SHISAL1: variants seen among roughly 807,000 people sequenced by gnomAD.
SHISAL1 encodes the protein protein shisa-like-1.
In SHISAL1, 9 loss-of-function variants were observed where a neutral mutation model predicts 22.6. The ratio of observed to expected loss-of-function variants is 0.40; its 90% CI spans 0.24 to 0.70. The LOEUF (loss-of-function observed/expected upper bound fraction) is 0.70, where lower values mean the gene tolerates loss of function less well. SHISAL1 is among the 30% of genes least tolerant of loss of function. The pLI is 0.39. For missense variants in SHISAL1, 246 were observed against 270.6 expected, an observed-to-expected ratio of 0.91 and a Z score of 0.64; for synonymous variants, 119 against 115.4, an observed-to-expected ratio of 1.03 and a Z score of -0.20.
At chr22:44,312,344 G>A (rs945335154) in intron 1 of SHISAL1, among the ~76,000 whole-genome samples, 2 of 152,100 alleles carry the variant, frequency 1.3e-5, no homozygotes, top group South Asian at 2.1e-4. Flanking sequence ...CATGACTAGG[G>A]CATCCTGAGA....
intron 3 of SHISAL1, among the ~76,000 whole-genome samples, chr22:44,290,102 C>T (rs2147294255): frequency 6.6e-6 from 1 of 152,344 alleles, no homozygotes; most frequent in Non-Finnish European, 1.5e-5. Context: ...GGATGGAAGT[C>T]CCCATCACCA....
chr22:44,266,697 G>A (rs2147277303), intron 4 of SHISAL1, among the ~76,000 whole-genome samples: 1 of 152,118 alleles, frequency 6.6e-6, no homozygotes, highest in Middle Eastern at 3.4e-3. Flanking sequence ...CTCTGAGCCT[G>A]AGTTTCTGAC....
chr22:44,282,801 C>T (rs754658279), intron 4 of SHISAL1, among the ~76,000 whole-genome samples: 3 of 152,234 alleles, frequency 2.0e-5, no homozygotes, highest in Non-Finnish European at 4.4e-5. Context: ...GGTCCACACT[C>T]CTTGCCTGGA....
chr22:44,253,424 CATGTTTTT>C (rs1291072806), intron 4 of SHISAL1, among the ~76,000 whole-genome samples: 1 of 109,300 alleles, frequency 9.1e-6, no homozygotes, highest in East Asian at 3.0e-4. Context: ...AGTATTAGTG[CATGTTTTT>C]TTTTTTTTTT....
chr22:44,285,819 T>C (rs1398689764), intron 3 of SHISAL1, 74 bp from the exon 4 acceptor site: 1 of 1,256,612 alleles, frequency 8.0e-7, no homozygotes, highest in African/African-American at 1.5e-5. Context: ...TCAGTGGGGC[T>C]GATTAGAGAA....
At chr22:44,284,897 G>GCCTGCCTGCCTGCGTTCCTTCCTT (rs570595554) in intron 4 of SHISAL1, among the ~76,000 whole-genome samples, 4 of 134,504 alleles carry the variant, frequency 3.0e-5, no homozygotes, top group Admixed American at 2.9e-4. Context: ...CTGCCTTCCT[G>GCCTGCCTGCCTGCGTTCCTTCCTT]CCTTCCTTCC....
At chr22:44,327,293 C>A in the SHISAL1 span, among the ~76,000 whole-genome samples, 1 of 151,518 alleles carries the variant, frequency 6.6e-6, no homozygotes, top group African/African-American at 2.4e-5. Flanking sequence ...TGCGCGTACA[C>A]CAGAGACCCT....
At chr22:44,285,813 T>C (rs1204176521) in intron 3 of SHISAL1, 68 bp from the exon 4 acceptor site, 1 of 1,288,832 alleles carries the variant, frequency 7.8e-7, no homozygotes, top group Non-Finnish European at 1.1e-6. Flanking sequence ...GCTTCATCAG[T>C]GGGGCTGATT....
chr22:44,315,114 A>G (rs1213127950), upstream of SHISAL1, among the ~76,000 whole-genome samples: 1 of 152,160 alleles, frequency 6.6e-6, no homozygotes, highest in Non-Finnish European at 1.5e-5. Context: ...GATGTTTCTT[A>G]TATTATTAAC....
the SHISAL1 span, among the ~76,000 whole-genome samples, chr22:44,328,231 T>G: frequency 6.6e-6 from 1 of 152,158 alleles, no homozygotes; most frequent in Admixed American, 6.5e-5. Context: ...AGGAACTCTA[T>G]ATTGCCACCC....
upstream of SHISAL1, among the ~76,000 whole-genome samples, chr22:44,315,717 G>A (rs548698812): frequency 3.9e-5 from 6 of 152,236 alleles, no homozygotes; most frequent in African/African-American, 7.2e-5. Flanking sequence ...CACCTGCCTC[G>A]AGGAGGCTTG....
At chr22:44,262,905 A>C (rs1243586895) in intron 4 of SHISAL1, among the ~76,000 whole-genome samples, 1 of 152,020 alleles carries the variant, frequency 6.6e-6, no homozygotes, top group African/African-American at 2.4e-5. Context: ...TGTGACAATA[A>C]CCCTTCCCGC....
intron 4 of SHISAL1, among the ~76,000 whole-genome samples, chr22:44,263,533 G>A (rs2055141047): frequency 6.6e-6 from 1 of 152,206 alleles, no homozygotes; most frequent in African/African-American, 2.4e-5. Flanking sequence ...CAAGGAGAAA[G>A]AGACTCTGCT....
upstream of SHISAL1, among the ~76,000 whole-genome samples, chr22:44,315,007 C>T (rs558936310): frequency 1.6e-4 from 25 of 152,296 alleles, no homozygotes; most frequent in Non-Finnish European, 3.2e-4. Context: ...GTGCATCTGG[C>T]TATAGCAAGG....
chr22:44,296,451 C>T (rs193274975), intron 3 of SHISAL1, among the ~76,000 whole-genome samples: 129 of 152,354 alleles, frequency 8.5e-4, no homozygotes, highest in Non-Finnish European at 1.5e-3. Context: ...TGAGCTACCG[C>T]GCCTGGCCTC....
At chr22:44,314,557 A>T (rs1214684663), upstream of SHISAL1, among the ~76,000 whole-genome samples, 1 of 152,158 alleles carries the variant, frequency 6.6e-6, no homozygotes, top group Non-Finnish European at 1.5e-5. Context: ...CAGAGGTTGG[A>T]AGCACAACAA....
intron 4 of SHISAL1, among the ~76,000 whole-genome samples, chr22:44,251,792 G>A (rs530900684): frequency 1.3e-5 from 2 of 152,304 alleles, no homozygotes; most frequent in African/African-American, 4.8e-5. Flanking sequence ...TTCCTCCCAT[G>A]CCACATGGAA....
At chr22:44,251,015 TCTC>T (rs1243322102) in intron 4 of SHISAL1, among the ~76,000 whole-genome samples, 2 of 152,190 alleles carry the variant, frequency 1.3e-5, no homozygotes, top group African/African-American at 2.4e-5. Context: ...TGTGGGGCCA[TCTC>T]CTCTGCTTCA....
At position 44,306,226 on chromosome 22, in the gene SHISAL1, G is replaced by A. The variant is rs12163427; in HGVS notation, c.-32-5249C>T. On this transcript the variant is annotated intron_variant, in intron 1 of 4. Coordinates refer to ENST00000381176, the MANE Select transcript of SHISAL1 (RefSeq NM_001099294.2). The stretch of plus-strand genomic sequence containing the variant: ...CAAAGTCATCACCTTGGGTCCCTCC[G>A]TGGGATGTGCAGAGGGGGAACTGAG... Among the ~76,000 whole-genome samples, 218 of 152,338 alleles carry A rather than the reference G, an allele frequency of 1.4e-3. 6 individuals are homozygous for A. In the East Asian group the frequency reaches 0.037, roughly 26 times the overall value.
Sources: allele counts gnomAD v4.1 joint callset (sites outside exome capture counted in the v4.1 genomes callset), GRCh38; gene constraint gnomAD v4.1.1; transcripts MANE v1.5; gene names NCBI Gene and HGNC (gene_info 2026-07-23, HGNC 2026-07-21).